The following RARB variants were observed in gnomAD, a reference collection of about 807,000 sequenced individuals.
The protein encoded by RARB is HBV-activated protein.
In RARB, 17 loss-of-function variants were observed where a neutral mutation model predicts 51.9. That is an observed-to-expected ratio of 0.33 (90% CI 0.22 to 0.49). RARB has a LOEUF of 0.49. RARB is among the 20% of genes least tolerant of loss of function. RARB has a pLI of 0.99. For missense variants in RARB, 369 were observed against 550.8 expected (o/e 0.67, Z 3.30); for synonymous variants, 215 against 195.4 (o/e 1.10, Z -0.84).
intron 3 of RARB, among the ~76,000 whole-genome samples, chr3:25,534,667 C>CT (rs984338427): frequency 1.5e-4 from 22 of 151,342 alleles, no homozygotes; most frequent in African/African-American, 2.4e-4. Flanking sequence ...ATTTCTTTTT[C>CT]TTTTTTTTTC....
At chr3:25,231,678 G>A (rs1303369293) in intron 5 of RARB, among the ~76,000 whole-genome samples, 6 of 152,068 alleles carry the variant, frequency 3.9e-5, no homozygotes, top group Admixed American at 2.6e-4. Context: ...CTGAGTTACC[G>A]ATAAAATTGA....
chr3:24,980,698 A>T (rs535462958), intron 2 of RARB, among the ~76,000 whole-genome samples: 1 of 151,998 alleles, frequency 6.6e-6, no homozygotes, highest in Admixed American at 6.6e-5. Context: ...CTTCTTTATG[A>T]TGGGTTAGAA....
At chr3:25,415,069 C>T (rs1012226381) in intron 5 of RARB, among the ~76,000 whole-genome samples, 2 of 152,014 alleles carry the variant, frequency 1.3e-5, no homozygotes, top group African/African-American at 4.8e-5. Context: ...CTCGAACTCC[C>T]GACCTCAGGT....
chr3:25,059,190 A>G (rs1698499836), intron 2 of RARB, among the ~76,000 whole-genome samples: 1 of 151,810 alleles, frequency 6.6e-6, no homozygotes, highest in Non-Finnish European at 1.5e-5. Context: ...ATTTAATTAC[A>G]TTGTTGCATC....
At chr3:25,234,492 T>C (rs898655718) in intron 5 of RARB, among the ~76,000 whole-genome samples, 2 of 152,192 alleles carry the variant, frequency 1.3e-5, no homozygotes, top group Non-Finnish European at 2.9e-5. Flanking sequence ...TCTATAGATT[T>C]TCTGTTTCAA....
chr3:25,046,970 C>G (rs1575134765), intron 2 of RARB, among the ~76,000 whole-genome samples: 1 of 152,006 alleles, frequency 6.6e-6, no homozygotes, highest in Non-Finnish European at 1.5e-5. Context: ...GAGAATGTGC[C>G]TCTATATTTT....
chr3:25,482,097 G>C (rs1266208309), intron 2 of RARB, among the ~76,000 whole-genome samples: 1 of 152,190 alleles, frequency 6.6e-6, no homozygotes, highest in Non-Finnish European at 1.5e-5. Flanking sequence ...AGAAGCCTCT[G>C]CTTTCAGCTC....
At chr3:25,460,751 T>G (rs1022232733) in intron 1 of RARB, among the ~76,000 whole-genome samples, 1 of 152,078 alleles carries the variant, frequency 6.6e-6, no homozygotes, top group African/African-American at 2.4e-5. Context: ...AAAATTTACT[T>G]TTGGTTAAGT....
At chr3:25,218,124 C>G (rs1254688565) in intron 5 of RARB, among the ~76,000 whole-genome samples, 2 of 152,140 alleles carry the variant, frequency 1.3e-5, no homozygotes, top group Admixed American at 6.5e-5. Context: ...ATAATACAAA[C>G]CAGCTCCTCT....
chr3:24,924,401 C>T (rs1483886189), intron 2 of RARB, among the ~76,000 whole-genome samples: 3 of 152,086 alleles, frequency 2.0e-5, no homozygotes, highest in Non-Finnish European at 4.4e-5. Flanking sequence ...TCCAAGAGAA[C>T]TTTCTGTGAC....
At chr3:25,527,906 C>T (rs182017746) in intron 3 of RARB, among the ~76,000 whole-genome samples, 5 of 152,312 alleles carry the variant, frequency 3.3e-5, no homozygotes, top group Admixed American at 6.5e-5. Context: ...TGTTTCTTTA[C>T]CTCAGTGTCT....
At chr3:25,208,311 T>G (rs1437103488) in intron 5 of RARB, among the ~76,000 whole-genome samples, 1 of 152,230 alleles carries the variant, frequency 6.6e-6, no homozygotes, top group African/African-American at 2.4e-5. Context: ...AAATTTTTTC[T>G]TATTCTAATA....
chr3:25,402,529 A>G (rs1479624607), intron 5 of RARB, among the ~76,000 whole-genome samples: 5 of 152,242 alleles, frequency 3.3e-5, no homozygotes, highest in African/African-American at 1.2e-4. Context: ...GCTGTTTACA[A>G]TAGCTAAGAT....
chr3:25,140,299 T>C (rs1348630173), intron 4 of RARB, among the ~76,000 whole-genome samples: 3 of 152,190 alleles, frequency 2.0e-5, no homozygotes, highest in Non-Finnish European at 4.4e-5. Flanking sequence ...ATTAACAACA[T>C]TTGTGATTCA....
intron 2 of RARB, among the ~76,000 whole-genome samples, chr3:24,995,603 T>G (rs2125437991): frequency 6.6e-6 from 1 of 152,168 alleles, no homozygotes; most frequent in Admixed American, 6.6e-5. Flanking sequence ...TAGCTGTGGG[T>G]TTGTCATATA....
At chr3:25,415,704 G>C (rs539812155) in intron 5 of RARB, among the ~76,000 whole-genome samples, 1 of 152,260 alleles carries the variant, frequency 6.6e-6, no homozygotes, top group South Asian at 2.1e-4. Context: ...CATTCTAATT[G>C]CCTTACAACA....
chr3:25,377,371 A>C (rs1254291482), intron 5 of RARB, among the ~76,000 whole-genome samples: 1 of 152,224 alleles, frequency 6.6e-6, no homozygotes, highest in Non-Finnish European at 1.5e-5. Flanking sequence ...AGAAACGTGC[A>C]GATAGACACA....
At chr3:25,010,147 G>GAAA (rs1697363105) in intron 2 of RARB, among the ~76,000 whole-genome samples, 1 of 151,258 alleles carries the variant, frequency 6.6e-6, no homozygotes, top group Non-Finnish European at 1.5e-5. Context: ...ACCGAGGCCA[G>GAAA]GACAGAGGAG....
At chr3:25,245,547 C>T (rs1011515786) in intron 5 of RARB, among the ~76,000 whole-genome samples, 3 of 152,174 alleles carry the variant, frequency 2.0e-5, no homozygotes, top group African/African-American at 2.4e-5. Flanking sequence ...GGATTTAGTT[C>T]TTCTTCACTT....
Sources: allele counts gnomAD v4.1 joint callset (sites outside exome capture counted in the v4.1 genomes callset), GRCh38; gene constraint gnomAD v4.1.1; transcripts MANE v1.5; gene names NCBI Gene and HGNC (gene_info 2026-07-23, HGNC 2026-07-21).